RUNX3: variants seen among roughly 807,000 people sequenced by gnomAD.
RUNX3 encodes the protein RUNX family transcription factor 3.
A neutral mutation model predicts 27.7 loss-of-function variants in RUNX3; 10 were observed. The ratio of observed to expected loss-of-function variants is 0.36; its 90% CI spans 0.22 to 0.61. The LOEUF (loss-of-function observed/expected upper bound fraction) is 0.61, where lower values mean the gene tolerates loss of function less well. Ranked by LOEUF, RUNX3 falls within the 20% of genes least tolerant of loss-of-function variation. RUNX3 has a pLI of 0.72. For synonymous variants in RUNX3, 270 were observed against 269.2 expected, an observed-to-expected ratio of 1.00 and a Z score of -0.03; for missense variants, 469 against 629.5, an observed-to-expected ratio of 0.75 and a Z score of 2.73.
intron 4 of RUNX3, among the ~76,000 whole-genome samples, chr1:24,906,568 C>T (rs1640668431): frequency 6.6e-6 from 1 of 152,224 alleles, no homozygotes; most frequent in Admixed American, 6.5e-5. Context: ...ATGCGCCAGG[C>T]ACCTCGATAC....
intron 2 of RUNX3, among the ~76,000 whole-genome samples, chr1:24,945,083 A>G (rs1228140228): frequency 6.6e-6 from 1 of 152,246 alleles, no homozygotes; most frequent in Non-Finnish European, 1.5e-5. Context: ...GCAGGAGGGC[A>G]GGGATTTTTT....
Position 24,911,554 on chromosome 1 carries a change from T to C in RUNX3, c.545-4137A>G, listed in dbSNP as rs1640796217. On this transcript the variant is annotated intron_variant, in intron 3 of 4. Transcript: ENST00000308873. ...TGTGGACACTTTCCAGTCACGTGGG[T>C]CACCACCATCATGACCATCGCTTTT... Among the ~76,000 whole-genome samples, 3 of 152,266 alleles carry C rather than the reference T, an allele frequency of 2.0e-5. No homozygotes were observed. In the South Asian group the frequency reaches 6.2e-4, roughly 32 times the overall value.
At chr1:24,922,724 T>C (rs917188016) in intron 2 of RUNX3, among the ~76,000 whole-genome samples, 1 of 140,566 alleles carries the variant, frequency 7.1e-6, no homozygotes, top group African/African-American at 2.8e-5. Flanking sequence ...ACCTTAAAAA[T>C]ATCATTGTTC....
chr1:24,921,932 T>C (rs1178290381), intron 2 of RUNX3, among the ~76,000 whole-genome samples: 2 of 152,198 alleles, frequency 1.3e-5, no homozygotes, highest in East Asian at 3.9e-4. Context: ...GGTCACTTTA[T>C]CTGAAGTAGG....
intron 2 of RUNX3, chr1:24,964,503 T>A: frequency 6.2e-7 from 1 of 1,602,952 alleles, no homozygotes; most frequent in Non-Finnish European, 8.5e-7. Context: ...CCCTGGGCTA[T>A]TGTTACTCAC....
At chr1:24,947,834 C>T (rs1407588269) in intron 2 of RUNX3, among the ~76,000 whole-genome samples, 3 of 152,164 alleles carry the variant, frequency 2.0e-5, no homozygotes, top group Non-Finnish European at 2.9e-5. Flanking sequence ...GTCTGCCAGG[C>T]GAGGGACCCA....
chr1:24,952,627 T>C (rs965221274), intron 2 of RUNX3, among the ~76,000 whole-genome samples: 1 of 152,182 alleles, frequency 6.6e-6, no homozygotes, highest in Admixed American at 6.5e-5. Context: ...GATGAGTGGC[T>C]CCACCTCTAC....
At chr1:24,922,002 G>A (rs372776279) in intron 2 of RUNX3, among the ~76,000 whole-genome samples, 1 of 152,082 alleles carries the variant, frequency 6.6e-6, no homozygotes, top group African/African-American at 2.4e-5. Context: ...CCAGGTTGGA[G>A]TGCAGTGGCA....
At chr1:24,933,231 C>A (rs943494037), upstream of RUNX3, among the ~76,000 whole-genome samples, 1 of 152,184 alleles carries the variant, frequency 6.6e-6, no homozygotes. Context: ...TCTGCCTGAG[C>A]GTGTCTTTTT....
At chr1:24,960,486 C>T (rs1253846696) in intron 2 of RUNX3, among the ~76,000 whole-genome samples, 1 of 152,202 alleles carries the variant, frequency 6.6e-6, no homozygotes, top group Non-Finnish European at 1.5e-5. Flanking sequence ...TGGGAAATGA[C>T]TGACTAAACA....
At position 24,900,020 on chromosome 1, in the gene RUNX3, G is replaced by A. The variant is rs2124227263; in HGVS notation, c.*2102C>T. 6.6e-6 allele frequency: 1 copy of A among 152,452 alleles called. No individual in the cohort carries two copies. Among genetic ancestry groups the A allele is most frequent in the South Asian group, 2.1e-4 (1 of 4,830 alleles). The allele number at this position is 152,452 out of a possible 1,614,324, so 9.4% of individuals were successfully genotyped here. A position where few individuals can be genotyped will look rare whatever the true frequency, so the allele number is the denominator to read the frequency against. ...GCCTCTCCAGGATCAGGAAGGGTTA[G>A]TAATCTGGGATGAGACTACAAAGTG... On this transcript the variant is annotated 3_prime_UTR_variant, in exon 5 of 5. Coordinates refer to ENST00000308873, the MANE Select transcript of RUNX3 (RefSeq NM_004350.3).
chr1:24,956,779 G>A (rs182421038), intron 2 of RUNX3, among the ~76,000 whole-genome samples: 17 of 152,256 alleles, frequency 1.1e-4, no homozygotes, highest in African/African-American at 3.6e-4. Flanking sequence ...TTGGGAATAG[G>A]GGCATGACCA....
chr1:24,960,549 T>TGGCA (rs1642081497), intron 2 of RUNX3, among the ~76,000 whole-genome samples: 3 of 152,296 alleles, frequency 2.0e-5, no homozygotes, highest in Middle Eastern at 3.4e-3. Context: ...AGCCTACATG[T>TGGCA]GGCAGTTTGG....
rs1421640822 is a variant in RUNX3, at chr1:24,929,919, G to A, written c.-51C>T. On this transcript the variant is annotated 5_prime_UTR_variant, in exon 1 of 5. Transcript: ENST00000308873. ...AGGCGGAGACGGCGCGGCTTCCCCCGGGGGCGGCCGGCGCGGGCGCCTCCT... is the reference window on the plus strand; with the variant it reads ...AGGCGGAGACGGCGCGGCTTCCCCCAGGGGCGGCCGGCGCGGGCGCCTCCT... 8.1e-6 allele frequency: 10 copies of A among 1,228,844 alleles called. No individual in the cohort carries two copies. The highest frequency in any genetic ancestry group is 4.3e-5 in the Admixed American group (1 of 23,010). The allele number at this position is 1,228,844 out of a possible 1,614,324, so 76.1% of individuals were successfully genotyped here. A position where few individuals can be genotyped will look rare whatever the true frequency, so the allele number is the denominator to read the frequency against.
At chr1:24,944,755 G>C (rs1182745549) in intron 2 of RUNX3, among the ~76,000 whole-genome samples, 1 of 152,204 alleles carries the variant, frequency 6.6e-6, no homozygotes, top group East Asian at 1.9e-4. Context: ...ATGAGCCATG[G>C]AAAGCAGACA....
At chr1:24,903,986 C>T (rs1450471118) in intron 4 of RUNX3, among the ~76,000 whole-genome samples, 2 of 152,190 alleles carry the variant, frequency 1.3e-5, no homozygotes, top group East Asian at 3.9e-4. Flanking sequence ...TTTGCAAGGC[C>T]ACTGTGGCTG....
chr1:24,902,970 C>A lies in RUNX3; in HGVS notation c.704-304G>T, dbSNP rs909612485. 6.6e-6 allele frequency among the ~76,000 whole-genome samples: 1 copy of A among 152,190 alleles called. No homozygotes were observed. The highest frequency in any genetic ancestry group is 2.4e-5 in the African/African-American group (1 of 41,458). On this transcript the variant is annotated intron_variant, in intron 4 of 4. Coordinates refer to ENST00000308873, the MANE Select transcript of RUNX3 (RefSeq NM_004350.3). The surrounding 1 kb of genome is among the most constrained non-coding windows in gnomAD (Gnocchi z 9.2). ...TTTTAAATCCTCCTTCCCAGCCTCG[C>A]AGAGGAGAGGCCTAGGATGCGGTGG...
intron 2 of RUNX3, among the ~76,000 whole-genome samples, chr1:24,942,088 G>A (rs1360794543): frequency 6.6e-6 from 1 of 152,174 alleles, no homozygotes; most frequent in Non-Finnish European, 1.5e-5. Context: ...TTTAGCTCAC[G>A]GAGGCCTGGG....
rs1640527546 is a variant in RUNX3, at chr1:24,900,944, C to T, written c.*1178G>A. ...GAGCTATCATAATCACGGAACTATACCTGTAAGAGACCTTGTGTTTGAAAA... is the reference window on the plus strand; with the variant it reads ...GAGCTATCATAATCACGGAACTATATCTGTAAGAGACCTTGTGTTTGAAAA... On this transcript the variant is annotated 3_prime_UTR_variant, in exon 5 of 5. Coordinates refer to ENST00000308873, the MANE Select transcript of RUNX3 (RefSeq NM_004350.3). The T allele has an allele frequency of 6.6e-6, 1 of 152,038 alleles. No individual in the cohort carries two copies. The highest frequency in any genetic ancestry group is 2.4e-5 in the African/African-American group (1 of 41,336). The allele number at this position is 152,038 out of a possible 1,614,324, so 9.4% of individuals were successfully genotyped here.
Sources: allele counts gnomAD v4.1 joint callset (sites outside exome capture counted in the v4.1 genomes callset), GRCh38; gene constraint gnomAD v4.1.1; non-coding constraint Gnocchi (gnomAD v3.1); transcripts MANE v1.5; gene names NCBI Gene and HGNC (gene_info 2026-07-23, HGNC 2026-07-21).